Variants in SLC4A10 observed in about 807,000 individuals in gnomAD.
The protein encoded by SLC4A10 is solute carrier family 4 member 10.
Under a neutral mutation model 137.7 loss-of-function variants are expected in SLC4A10, and 42 were observed. That is an observed-to-expected ratio of 0.30 (90% CI 0.24 to 0.39). The LOEUF is 0.39. Among genes scored for constraint, SLC4A10 ranks in the 10% least tolerant of loss-of-function variants. SLC4A10 has a pLI of 1.00. For missense variants in SLC4A10, 925 were observed against 1,355.0 expected, an observed-to-expected ratio of 0.68 and a Z score of 4.98; for synonymous variants, 474 against 464.1, an observed-to-expected ratio of 1.02 and a Z score of -0.27.
At chr2:161,980,782 G>T (rs1457009615) in intron 26 of SLC4A10, among the ~76,000 whole-genome samples, 1 of 152,158 alleles carries the variant, frequency 6.6e-6, no homozygotes, top group Admixed American at 6.5e-5. Flanking sequence ...TAACTCCTCA[G>T]GGACAGGGAC....
chr2:161,889,098 G>C (rs903295781), intron 10 of SLC4A10, among the ~76,000 whole-genome samples: 1 of 152,068 alleles, frequency 6.6e-6, no homozygotes, highest in African/African-American at 2.4e-5. Context: ...ATTGATTTCT[G>C]TAAGTTGAAC....
chr2:161,882,482 T>A, intron 10 of SLC4A10, 38 bp downstream of exon 10: 5 of 1,398,766 alleles, frequency 3.6e-6, no homozygotes, highest in Non-Finnish European at 2.9e-6. Flanking sequence ...TTTCCCCCAT[T>A]AGGTATACCT....
chr2:161,715,741 T>C (rs979678632), intron 1 of SLC4A10, among the ~76,000 whole-genome samples: 6 of 152,130 alleles, frequency 3.9e-5, no homozygotes, highest in Non-Finnish European at 7.4e-5. Context: ...CAGCCTATCA[T>C]TGATGGGCAT....
At chr2:161,852,746 G>A (rs1237104) in intron 4 of SLC4A10, among the ~76,000 whole-genome samples, 102,999 of 151,952 alleles carry the variant, frequency 0.68, 35,229 homozygotes, top group East Asian at 0.99. Flanking sequence ...ATGGGCACAG[G>A]CTCTGGAGAA....
intron 11 of SLC4A10, among the ~76,000 whole-genome samples, chr2:161,899,615 T>A (rs1159472406): frequency 1.3e-5 from 2 of 152,128 alleles, no homozygotes; most frequent in Non-Finnish European, 2.9e-5. Context: ...AGTTTTGTCA[T>A]TATAAAATAG....
chr2:161,707,548 T>C (rs1191195296), intron 1 of SLC4A10, among the ~76,000 whole-genome samples: 2 of 151,352 alleles, frequency 1.3e-5, no homozygotes, highest in African/African-American at 2.4e-5. Flanking sequence ...CCAATTATAA[T>C]TTTTGAGATA....
rs542343585 is a variant in SLC4A10 at position 161,813,774 on chromosome 2, G to A, written c.277+9179G>A. On this transcript the variant is annotated intron_variant, in intron 3 of 26. Transcript: ENST00000446997. ...TGTATTTATCATTTGTTTGTTCCCT[G>A]TGCCTCTTCTTTATTTTTCCCTAAC... Among the ~76,000 whole-genome samples, 4 of 152,188 alleles carry A rather than the reference G, an allele frequency of 2.6e-5. No homozygotes were observed. The South Asian group carries it at 8.3e-4, about 32-fold the overall frequency.
At chr2:161,796,806 A>G (rs894717259) in intron 2 of SLC4A10, among the ~76,000 whole-genome samples, 3 of 152,204 alleles carry the variant, frequency 2.0e-5, no homozygotes, top group Admixed American at 6.6e-5. Context: ...CGGTTTTTCC[A>G]GGCAAGCCTT....
chr2:161,832,033 G>A (rs2058466484), intron 3 of SLC4A10, among the ~76,000 whole-genome samples: 2 of 152,094 alleles, frequency 1.3e-5, no homozygotes, highest in South Asian at 4.1e-4. Flanking sequence ...GGAGCAAAGG[G>A]TAGGTTTTTT....
At chr2:161,697,871 G>C (rs2042709649) in intron 1 of SLC4A10, among the ~76,000 whole-genome samples, 1 of 152,154 alleles carries the variant, frequency 6.6e-6, no homozygotes, top group Non-Finnish European at 1.5e-5. Context: ...GATGGGGATG[G>C]CATTAAATCT....
At chr2:161,631,555 G>A (rs1479481691) in intron 1 of SLC4A10, among the ~76,000 whole-genome samples, 3 of 151,590 alleles carry the variant, frequency 2.0e-5, no homozygotes, top group Non-Finnish European at 4.4e-5. Context: ...TAGAGGTCTT[G>A]GAATATATCT....
At chr2:161,769,163 T>A (rs2051258975) in intron 1 of SLC4A10, among the ~76,000 whole-genome samples, 1 of 151,998 alleles carries the variant, frequency 6.6e-6, no homozygotes, top group African/African-American at 2.4e-5. Flanking sequence ...GTTAGAGCCC[T>A]TTCTAACCCC....
At chr2:161,773,363 G>T (rs986204603) in intron 2 of SLC4A10, among the ~76,000 whole-genome samples, 1 of 151,732 alleles carries the variant, frequency 6.6e-6, no homozygotes. Context: ...TCCAACACAC[G>T]CCTTTTGGGA....
intron 1 of SLC4A10, among the ~76,000 whole-genome samples, chr2:161,662,260 T>C (rs556726608): frequency 6.6e-6 from 1 of 152,270 alleles, no homozygotes; most frequent in East Asian, 1.9e-4. Flanking sequence ...TAAAACCATA[T>C]CCAGAACAAT....
intron 2 of SLC4A10, among the ~76,000 whole-genome samples, chr2:161,795,471 T>A (rs954318525): frequency 8.5e-5 from 13 of 152,070 alleles, no homozygotes; most frequent in Admixed American, 5.9e-4. Flanking sequence ...ACCCATGAAA[T>A]CATTACTAGC....
intron 1 of SLC4A10, among the ~76,000 whole-genome samples, chr2:161,652,174 C>T (rs1465585598): frequency 6.6e-6 from 1 of 152,184 alleles, no homozygotes. Context: ...GAGGAGGTAC[C>T]TATGTACATT....
intron 3 of SLC4A10, among the ~76,000 whole-genome samples, chr2:161,813,164 TA>T (rs1194961838): frequency 6.6e-6 from 1 of 152,082 alleles, no homozygotes; most frequent in African/African-American, 2.4e-5. Flanking sequence ...AGATTATTTT[TA>T]CTCTCCATTG....
chr2:161,639,799 G>A (rs990816105), intron 1 of SLC4A10, among the ~76,000 whole-genome samples: 2 of 152,002 alleles, frequency 1.3e-5, no homozygotes, highest in African/African-American at 4.8e-5. Context: ...AAGAAATAAA[G>A]GTCATTTAAA....
chr2:161,982,393 AAAAG>A (rs1700340369), intron 26 of SLC4A10, among the ~76,000 whole-genome samples: 3 of 152,224 alleles, frequency 2.0e-5, no homozygotes, highest in Admixed American at 2.0e-4. Flanking sequence ...TGAGAGTAAG[AAAAG>A]TGTACGATGG....
Sources: gnomAD v4.1 joint callset for allele counts (sites outside exome capture counted in the v4.1 genomes callset) on GRCh38, gnomAD v4.1.1 for gene constraint, MANE v1.5 for transcripts, NCBI Gene and HGNC (gene_info 2026-07-23, HGNC 2026-07-21) for gene names.